DAG1: variants seen among roughly 807,000 people sequenced by gnomAD.
The protein encoded by DAG1 is dystroglycan 1 (dystrophin-associated glycoprotein 1).
In DAG1, 8 loss-of-function variants were observed where a neutral mutation model predicts 46.1. The ratio of observed to expected loss-of-function variants is 0.17; its 90% confidence interval spans 0.10 to 0.31. The LOEUF (loss-of-function observed/expected upper bound fraction) is 0.31. DAG1 is among the 10% of genes least tolerant of loss of function. DAG1 has a pLI of 1.00. For synonymous variants in DAG1, 495 were observed against 481.8 expected (o/e 1.03, Z -0.36); for missense variants, 1,003 against 1,189.9 (o/e 0.84, Z 2.31).
At chr3:49,480,035 T>C (rs1399299166) in intron 1 of DAG1, among the ~76,000 whole-genome samples, 39 of 127,546 alleles carry the variant, frequency 3.1e-4, no homozygotes, top group Middle Eastern at 6.1e-3. Context: ...CTGCAACCTC[T>C]GCCTCCCGGG....
intron 2 of DAG1, among the ~76,000 whole-genome samples, chr3:49,512,997 T>A (rs923354129): frequency 7.2e-5 from 11 of 152,152 alleles, no homozygotes; most frequent in Admixed American, 7.2e-4. Context: ...CATTCAGACT[T>A]CTACATACAT....
intron 2 of DAG1, among the ~76,000 whole-genome samples, chr3:49,511,203 A>G (rs2050752881): frequency 6.6e-6 from 1 of 152,216 alleles, no homozygotes; most frequent in Admixed American, 6.5e-5. Context: ...TAAGATATAA[A>G]TAAATATAGG....
chr3:49,474,428 C>G (rs1471138946), intron 1 of DAG1, among the ~76,000 whole-genome samples: 1 of 152,148 alleles, frequency 6.6e-6, no homozygotes, highest in Non-Finnish European at 1.5e-5. Context: ...TCACTGCAAC[C>G]TCTGCCCCTT....
chr3:49,530,263 C>T (rs544453878), intron 2 of DAG1, among the ~76,000 whole-genome samples: 4 of 152,278 alleles, frequency 2.6e-5, no homozygotes, highest in South Asian at 4.1e-4. Context: ...TCCTTCAGAG[C>T]GTTGAGCCTT....
At position 49,531,593 on chromosome 3, in the gene DAG1, C is replaced by G; in HGVS notation, c.1082C>G (p.Pro361Arg). 6.2e-7 allele frequency: 1 copy of G among 1,613,028 alleles called. No individual in the cohort carries two copies. Among genetic ancestry groups the G allele is most frequent in the Non-Finnish European group, 8.5e-7 (1 of 1,179,096 alleles). ...TETMAPPVRD[P>R]VPGKPTVTIR... ...ACCATGGCTCCTCCAGTCAGGGATC[C>G]TGTTCCTGGGAAACCCACGGTCACC... The change falls in exon 3 of 3, where the codon CCT (proline) becomes CGT (arginine). Residue 361 changes from proline (P) to arginine (R), a missense_variant. By Grantham distance (103) the Pro-to-Arg change is moderately radical. Around this residue, in one of 3 missense-constraint regions of DAG1, gnomAD observed 755 missense variants for 854.1 expected, o/e 0.88. Transcript: ENST00000308775. The surrounding 1 kb of genome is among the most constrained non-coding windows in gnomAD (Gnocchi z 7.0).
chr3:49,505,733 G>A (rs928350982), intron 1 of DAG1, among the ~76,000 whole-genome samples: 4 of 149,248 alleles, frequency 2.7e-5, no homozygotes, highest in African/African-American at 7.4e-5. Context: ...GTGCAATGGC[G>A]CCATCTTGGC....
Position 49,531,807 on chromosome 3 carries a change from A to T in DAG1, c.1296A>T (p.Pro432=). 6.2e-7 allele frequency: 1 copy of T among 1,613,794 alleles called. No homozygotes were observed. Among genetic ancestry groups the T allele is most frequent in the African/African-American group, 1.3e-5 (1 of 74,858 alleles). Residue 432 remains proline (P), a synonymous_variant, in exon 3 of 3, where the codon CCA becomes CCT. Transcript: ENST00000308775. This position sits in a 1 kb window ranked among gnomAD's most constrained non-coding sequence, Gnocchi z 7.0. The part of the protein sequence containing the change: ...TTTKKPRVST[P]KPATPSTDST... ...CCAAGAAGCCACGAGTATCCACACC[A>T]AAACCAGCAACGCCTTCAACTGACT...
At chr3:49,525,532 G>A (rs34057865) in intron 2 of DAG1, among the ~76,000 whole-genome samples, 1 of 151,666 alleles carries the variant, frequency 6.6e-6, no homozygotes, top group Admixed American at 6.6e-5. Context: ...GCCGGAACAG[G>A]AGGAAGGCTG....
At chr3:49,506,248 G>A (rs2050604484) in intron 1 of DAG1, among the ~76,000 whole-genome samples, 1 of 152,186 alleles carries the variant, frequency 6.6e-6, no homozygotes, top group Non-Finnish European at 1.5e-5. Flanking sequence ...AAAGTGCTGG[G>A]ATTACAGGCG....
intron 1 of DAG1, among the ~76,000 whole-genome samples, chr3:49,495,252 A>G (rs1459615454): frequency 6.6e-6 from 1 of 152,204 alleles, no homozygotes; most frequent in Non-Finnish European, 1.5e-5. Context: ...TTTCTATTAG[A>G]GTAAGCACTT....
intron 1 of DAG1, among the ~76,000 whole-genome samples, chr3:49,499,092 G>A (rs1489400930): frequency 1.3e-5 from 2 of 152,192 alleles, no homozygotes; most frequent in African/African-American, 2.4e-5. Context: ...TAGCTATTTG[G>A]GAGTAGGGGC....
rs939625869 is a variant in DAG1 at position 49,502,991 on chromosome 3, C to T, written c.-116-7428C>T. 5.3e-5 allele frequency among the ~76,000 whole-genome samples: 8 copies of T among 152,174 alleles called. 1 individual carries two copies. The highest frequency in any genetic ancestry group is 1.9e-4 in the African/African-American group (8 of 41,450). On this transcript the variant is annotated intron_variant, in intron 1 of 2. Coordinates refer to ENST00000308775, the MANE Select transcript of DAG1 (RefSeq NM_004393.6). ...ACTTGTTTTAGTTTTTTTAATTGTC[C>T]TACAGAGTTCCATGATATTCCATGA...
intron 1 of DAG1, among the ~76,000 whole-genome samples, chr3:49,485,110 C>T (rs7630869): frequency 0.29 from 44,567 of 151,636 alleles, 7,048 homozygotes; most frequent in Non-Finnish European, 0.3. Context: ...CCTCAGCCTC[C>T]GGAGTAGCTG....
rs869281804 is a variant in DAG1, at chr3:49,528,302, T to TG, written c.286-2492dup. ...TTTTTTTTTTTTTTTTTTTTTTTTT[T>TG]GGGACAGAGTCTCACTCTGTCATTC... On this transcript the variant is annotated intron_variant, in intron 2 of 2. Coordinates refer to ENST00000308775, the MANE Select transcript of DAG1 (RefSeq NM_004393.6). 1.8e-3 allele frequency among the ~76,000 whole-genome samples: 173 copies of TG among 95,696 alleles called. 5 individuals are homozygous for TG. Among genetic ancestry groups the TG allele is most frequent in the African/African-American group, 6.4e-3 (164 of 25,770 alleles). 62.8% of individuals were successfully genotyped at this position (95,696 alleles called of 152,430 possible).
intron 2 of DAG1, among the ~76,000 whole-genome samples, chr3:49,526,631 C>T (rs1173415477): frequency 6.6e-6 from 1 of 152,180 alleles, no homozygotes; most frequent in Non-Finnish European, 1.5e-5. Flanking sequence ...GCTGGAGAAA[C>T]ATTTGAACCC....
Position 49,531,967 on chromosome 3 carries a change from G to A in DAG1, c.1456G>A (p.Gly486Arg), listed in dbSNP as rs1559579508. ...PPTRIRTTTS[G>R]VPRGGEPNQR... ...TACTCGTATTCGCACCACCACCAGT[G>A]GAGTGCCCCGTGGCGGAGAACCCAA... is the stretch of plus-strand genomic sequence containing the variant. Residue 486 changes from glycine to arginine, a missense_variant, in exon 3 of 3, where the codon GGA (glycine) becomes AGA (arginine). Coordinates refer to ENST00000308775, the MANE Select transcript of DAG1 (RefSeq NM_004393.6). This position sits in a 1 kb window ranked among gnomAD's most constrained non-coding sequence, Gnocchi z 7.0. The A allele has an allele frequency of 6.2e-7, 1 of 1,614,192 alleles. No individual in the cohort carries two copies. Among genetic ancestry groups the A allele is most frequent in the East Asian group, 2.2e-5 (1 of 44,884 alleles).
intron 1 of DAG1, among the ~76,000 whole-genome samples, chr3:49,480,207 C>T (rs927907884): frequency 2.6e-5 from 4 of 151,386 alleles, no homozygotes; most frequent in African/African-American, 7.3e-5. Context: ...CTGCCTTGGC[C>T]CCCCAAAGTG....
Position 49,480,824 on chromosome 3 carries a change from C to T in DAG1, c.-117+10391C>T, listed in dbSNP as rs376457554. 1.5e-4 allele frequency among the ~76,000 whole-genome samples: 19 copies of T among 126,864 alleles called. No individual in the cohort carries two copies. The East Asian group carries it at 2.8e-3, about 19-fold the overall frequency. 83.2% of individuals were successfully genotyped at this position (126,864 alleles called of 152,430 possible). On this transcript the variant is annotated intron_variant, in intron 1 of 2. Coordinates refer to ENST00000308775, the MANE Select transcript of DAG1 (RefSeq NM_004393.6). Reference sequence around the variant, plus strand: ...TCACCCAGGCTGGAGTGCAGTGGCACGATCTCGGCTCACTGCAAGCTCCGC... The same window carrying T: ...TCACCCAGGCTGGAGTGCAGTGGCATGATCTCGGCTCACTGCAAGCTCCGC...
At chr3:49,515,271 ATTT>A (rs36072165) in intron 2 of DAG1, among the ~76,000 whole-genome samples, 1 of 129,158 alleles carries the variant, frequency 7.7e-6, no homozygotes, top group Non-Finnish European at 1.7e-5. Flanking sequence ...TCCCGGGCCT[ATTT>A]TTTTTTTTTT....
Sources: gnomAD v4.1 joint callset for allele counts (sites outside exome capture counted in the v4.1 genomes callset) on GRCh38, gnomAD v4.1.1 for gene constraint, gnomAD v4.1.1 regional missense constraint, Gnocchi (gnomAD v3.1) non-coding constraint, MANE v1.5 for transcripts, NCBI Gene and HGNC (gene_info 2026-07-23, HGNC 2026-07-21) for gene names.